PKD1: variants seen among roughly 807,000 people sequenced by gnomAD.
The protein encoded by PKD1 is polycystin 1, transient receptor potential channel interacting.
In PKD1, 81 loss-of-function variants were observed where a neutral mutation model predicts 361.7. That is an observed-to-expected ratio of 0.22 (90% confidence interval 0.19 to 0.27). The LOEUF (loss-of-function observed/expected upper bound fraction) is 0.27, where lower values mean the gene tolerates loss of function less well. Among genes scored for constraint, PKD1 ranks in the 10% least tolerant of loss-of-function variants. The pLI, the probability that PKD1 is intolerant of heterozygous loss-of-function variation, is 1.00. For missense variants in PKD1, 6,399 were observed against 6,118.3 expected (o/e 1.05, Z -1.53); for synonymous variants, 3,615 against 2,818.3 (o/e 1.28, Z -8.95).
chr16:2,103,060 C>T (rs1884828953), intron 23 of PKD1, 90 bp from the exon 24 acceptor site: 21 of 1,464,678 alleles, frequency 1.4e-5, no homozygotes, highest in Non-Finnish European at 1.9e-5. Context: ...CACCCTCTGC[C>T]ACGGGCCTGA....
intron 15 of PKD1, 25 bp from the exon 16 acceptor site, chr16:2,108,057 C>T (rs756137445): frequency 8.9e-6 from 14 of 1,578,722 alleles, no homozygotes; most frequent in South Asian, 3.4e-5. Context: ...CAAGGGGCGA[C>T]GTGGCCTGAG....
chr16:2,113,194 G>A lies in PKD1; in HGVS notation c.2952C>T (p.Val984=). 1 of 1,216,188 alleles carries A rather than the reference G, an allele frequency of 8.2e-7. No homozygotes were observed. The highest frequency in any genetic ancestry group is 1.2e-6 in the Non-Finnish European group (1 of 836,196). 75.3% of individuals were successfully genotyped at this position (1,216,188 alleles called of 1,614,324 possible). The stretch of plus-strand genomic sequence containing the variant: ...TGAAGACCGCCGCGCTCTGATAAAT[G>A]ACATTGAAGACCACGTTCTGGAAGG... ...SLTFQNVVFN[V]IYQSAAVFKL... The change falls in exon 12 of 46, where the codon GTC becomes GTT. Residue 984 remains valine (V), a synonymous_variant. Transcript: ENST00000262304.
rs751947219 is a variant in PKD1, at chr16:2,100,340, G to C, written c.9569-31C>G. 1 of 1,610,348 alleles carries C rather than the reference G, an allele frequency of 6.2e-7. No individual in the cohort carries two copies. The highest frequency in any genetic ancestry group is 8.5e-7 in the Non-Finnish European group (1 of 1,179,364). On this transcript the variant is annotated intron_variant, in intron 27 of 45. Coordinates refer to ENST00000262304, the MANE Select transcript of PKD1 (RefSeq NM_001009944.3). This position sits in a 1 kb window ranked among gnomAD's most constrained non-coding sequence, Gnocchi z 4.4. ...GAGGCGCAGGAGGGAGGTCAGGCTC[G>C]CAGGGCGCCCCAATGCGGGGGCAGA...
At chr16:2,101,120 G>C (rs929992878) in intron 26 of PKD1, among the ~76,000 whole-genome samples, 1 of 151,950 alleles carries the variant, frequency 6.6e-6, no homozygotes, top group South Asian at 2.1e-4. Context: ...CAAGGAGCTG[G>C]GACTACAGGC....
Position 2,118,749 on chromosome 16 carries a change from T to C in PKD1, c.456A>G (p.Ala152=). Residue 152 remains alanine (A), a synonymous_variant, in exon 4 of 46, where the codon GCA becomes GCG. Transcript: ENST00000262304. The surrounding 1 kb of genome is among the most constrained non-coding windows in gnomAD (Gnocchi z 6.0). ...EQQVRVVQPE[A]ATCAGPGSLA... is the part of the protein sequence containing the mutation. The stretch of plus-strand genomic sequence containing the variant: ...GGGAGCCAGGCCCAGCACACGTGGC[T>C]GCCTCGGGCTGCACCACCCGCACCT... The C allele has an allele frequency of 1.4e-6, 2 of 1,434,816 alleles. No homozygotes were observed. Among genetic ancestry groups the C allele is most frequent in the Non-Finnish European group, 1.9e-6 (2 of 1,042,156 alleles). The allele number at this position is 1,434,816 out of a possible 1,614,324, so 88.9% of individuals were successfully genotyped here.
rs1478973195 is a variant in PKD1 at position 2,108,960 on chromosome 16, G to A, written c.6207C>T (p.Gly2069=). The A allele has an allele frequency of 6.2e-7, 1 of 1,608,600 alleles. No homozygotes were observed. Among genetic ancestry groups the A allele is most frequent in the East Asian group, 2.2e-5 (1 of 44,752 alleles). ...DAVQYVALQS[G]PCFTNRSAQF... is the part of the protein sequence containing the mutation. ...GCGCCGAGCGGTTGGTGAAGCAGGGGCCGCTCTGCAGGGCCACATACTGGA... is the reference window on the plus strand; with the variant it reads ...GCGCCGAGCGGTTGGTGAAGCAGGGACCGCTCTGCAGGGCCACATACTGGA... Residue 2069 remains glycine (G), a synonymous_variant, in exon 15 of 46, where the codon GGC becomes GGT. Coordinates refer to ENST00000262304, the MANE Select transcript of PKD1 (RefSeq NM_001009944.3).
rs774882328 is a variant in PKD1 at position 2,103,650 on chromosome 16, C to G, written c.8407G>C (p.Gly2803Arg). The part of the protein sequence containing the change: ...LLCYGGAPGP[G>R]CHFSIPEAFS... ...GCCTCGGGGATGGAGAAGTGGCAGC[C>G]AGGCCCTGGGGCGCCGCCATAGCAC... Residue 2803 changes from glycine (G) to arginine (R), a missense_variant, in exon 23 of 46, where the codon GGC becomes CGC. Transcript: ENST00000262304. The G allele has an allele frequency of 9.9e-6, 16 of 1,610,262 alleles. No individual in the cohort carries two copies. The highest frequency in any genetic ancestry group is 1.3e-5 in the Non-Finnish European group (15 of 1,179,674).
intron 30 of PKD1, 169 bp from the exon 31 acceptor site, chr16:2,098,153 G>A (rs551326999): frequency 1.2e-4 from 72 of 609,708 alleles, no homozygotes; most frequent in African/African-American, 8.2e-4. Context: ...AGCCCCTCGC[G>A]ACGTGTGCCA....
Position 2,112,320 on chromosome 16 carries a change from C to G in PKD1, c.3295+20G>C. ...TCAGAGCCTGAAAGGCAGTGGCCCC[C>G]TCACCCCCTCATCCCTCACCTGGGG... On this transcript the variant is annotated intron_variant, in intron 14 of 45. Transcript: ENST00000262304. 6.3e-7 allele frequency: 1 copy of G among 1,582,064 alleles called. No individual in the cohort carries two copies. The highest frequency in any genetic ancestry group is 8.5e-7 in the Non-Finnish European group (1 of 1,170,638).
intron 22 of PKD1, among the ~76,000 whole-genome samples, chr16:2,104,221 AG>A (rs1258520450): frequency 9.1e-5 from 2 of 22,004 alleles, no homozygotes; most frequent in Non-Finnish European, 1.5e-4. Context: ...AAGGGGGATG[AG>A]GGGGATGAGG....
At chr16:2,096,887 G>A (rs375901462) in intron 34 of PKD1, 44 of 553,818 alleles carry the variant, frequency 7.9e-5, no homozygotes, top group East Asian at 2.1e-4. Context: ...ACGTGGCCCC[G>A]GCCAGCCTCA....
In PKD1 at chr16:2,091,169, G is replaced by A. The variant is rs750958785; in HGVS notation, c.11718C>T (p.Cys3906=). 1.9e-5 allele frequency: 27 copies of A among 1,454,414 alleles called. No homozygotes were observed. In the African/African-American group the frequency reaches 2.2e-4, roughly 12 times the overall value. The allele number at this position is 1,454,414 out of a possible 1,614,324, so 90.1% of individuals were successfully genotyped here. A position where few individuals can be genotyped will look rare whatever the true frequency, so the allele number is the denominator to read the frequency against. The part of the protein sequence containing the change: ...GLSLPLLTSV[C]LLLFAVHFAV... ...CGAAGTGCACGGCGAACAGCAGCAG[G>A]CACACCTGTGGGGGGCGCGGTCAGG... The change falls in exon 43 of 46, where the codon TGC becomes TGT. Residue 3906 remains cysteine, a synonymous_variant. Coordinates refer to ENST00000262304, the MANE Select transcript of PKD1 (RefSeq NM_001009944.3).
chr16:2,094,002 C>T lies in PKD1; in HGVS notation c.10630G>A (p.Gly3544Ser). The T allele has an allele frequency of 6.3e-7, 1 of 1,589,354 alleles. No homozygotes were observed. Among genetic ancestry groups the T allele is most frequent in the Non-Finnish European group, 8.5e-7 (1 of 1,169,680 alleles). The change falls in exon 36 of 46, where the codon GGT (glycine) becomes AGT (serine). Residue 3544 changes from glycine to serine, a missense_variant. Physicochemically the swap from Gly to Ser is moderately conservative, Grantham distance 56. Transcript: ENST00000262304. ...GCCGGCAGCAGGCGCTTCCGCAGAC[C>T]CTCCACCAGTCCTGGGGAAGCAGAG... ...ARLSRTGLVE[G>S]LRKRLLPAWC...
In PKD1 at chr16:2,090,029, G is replaced by T; in HGVS notation, c.12610C>A (p.Leu4204Met). Residue 4204 changes from leucine to methionine, a missense_variant, in exon 46 of 46, where the codon CTG (leucine) becomes ATG (methionine). Physicochemically the swap from Leu to Met is conservative, Grantham distance 15. Coordinates refer to ENST00000262304, the MANE Select transcript of PKD1 (RefSeq NM_001009944.3). ...LDGLSVSLGR[L>M]GTRCEPEPSR... is the part of the protein sequence containing the mutation. ...GGCTCAGGCTCACACCTTGTCCCCA[G>T]CCGGCCCAGGCTCACGCTCAGCCCA... The T allele has an allele frequency of 6.2e-7, 1 of 1,610,830 alleles. No homozygotes were observed. The highest frequency in any genetic ancestry group is 8.5e-7 in the Non-Finnish European group (1 of 1,179,222).
Position 2,093,641 on chromosome 16 carries a change from C to G in PKD1, c.10919G>C (p.Ser3640Thr), listed in dbSNP as rs1274547595. ...LVESPAVTPV[S>T]ARVPRVRPPH... Reference sequence around the variant, plus strand: ...TGGCCGTACGCGGGGCACACGTGCGCTCACAGGCGTCACAGCCGGGCTCTC... The same window carrying G: ...TGGCCGTACGCGGGGCACACGTGCGGTCACAGGCGTCACAGCCGGGCTCTC... The change falls in exon 37 of 46, where the codon AGC becomes ACC. Residue 3640 changes from serine (S) to threonine (T), a missense_variant. Ser to Thr is a moderately conservative substitution (Grantham distance 58). Coordinates refer to ENST00000262304, the MANE Select transcript of PKD1 (RefSeq NM_001009944.3). 27 of 1,609,458 alleles carry G rather than the reference C, an allele frequency of 1.7e-5. No homozygotes were observed. Among genetic ancestry groups the G allele is most frequent in the Non-Finnish European group, 2.2e-5 (26 of 1,178,410 alleles).
chr16:2,091,397 C>A (rs1343103262), intron 42 of PKD1, 26 bp downstream of exon 42: 1 of 1,100,246 alleles, frequency 9.1e-7, no homozygotes. Flanking sequence ...GTGGGAGGCG[C>A]GGGGTCTGGC....
chr16:2,100,792 T>C lies in PKD1; in HGVS notation c.9398-226A>G. 1 of 582,878 alleles carries C rather than the reference T, an allele frequency of 1.7e-6. No individual in the cohort carries two copies. Among genetic ancestry groups the C allele is most frequent in the Non-Finnish European group, 3.1e-6 (1 of 324,690 alleles). 36.1% of individuals were successfully genotyped at this position (582,878 alleles called of 1,614,324 possible). On this transcript the variant is annotated intron_variant, in intron 26 of 45. Coordinates refer to ENST00000262304, the MANE Select transcript of PKD1 (RefSeq NM_001009944.3). This position sits in a 1 kb window ranked among gnomAD's most constrained non-coding sequence, Gnocchi z 4.4. ...AAGTTACATGGAAAGAACTGTAACT[T>C]GTGACATGCAAACATGGCTGCACAC... is the stretch of plus-strand genomic sequence containing the variant.
intron 1 of PKD1, among the ~76,000 whole-genome samples, chr16:2,127,243 G>T (rs933999367): frequency 8.5e-5 from 13 of 152,224 alleles, no homozygotes; most frequent in Admixed American, 5.2e-4. Context: ...GCCAGCTTAC[G>T]TCAAAAGAAC....
In PKD1 at chr16:2,112,478, C is replaced by T. The variant is rs1178002176; in HGVS notation, c.3162-5G>A. The T allele has an allele frequency of 4.5e-6, 7 of 1,565,738 alleles. No individual in the cohort carries two copies. The African/African-American group carries it at 6.8e-5, about 15-fold the overall frequency. ...TCCCCATCCCCAAAGGTCCACCTGCCGGGGCGGTGGGACGCAGTGAGTGAA... is the reference window on the plus strand; with the variant it reads ...TCCCCATCCCCAAAGGTCCACCTGCTGGGGCGGTGGGACGCAGTGAGTGAA... On this transcript the variant is annotated splice_polypyrimidine_tract_variant and splice_region_variant and intron_variant, in intron 13 of 45. Transcript: ENST00000262304.
Sources: allele counts gnomAD v4.1 joint callset (sites outside exome capture counted in the v4.1 genomes callset), GRCh38; gene constraint gnomAD v4.1.1; non-coding constraint Gnocchi (gnomAD v3.1); transcripts MANE v1.5; gene names NCBI Gene and HGNC (gene_info 2026-07-23, HGNC 2026-07-21).